The following CHD2 variants were observed in gnomAD, a reference collection of about 807,000 sequenced individuals.
The protein encoded by CHD2 is ATP-dependent chromatin remodeler CHD2.
CHD2 carries 28 observed loss-of-function variants against 243.9 expected under a neutral mutation model. The ratio of observed to expected loss-of-function variants is 0.11; its 90% CI spans 0.09 to 0.16. The LOEUF is 0.16. Among genes scored for constraint, CHD2 ranks in the 10% least tolerant of loss-of-function variants. The pLI is 1.00. For synonymous variants in CHD2, 775 were observed against 779.0 expected (o/e 0.99, Z 0.09); for missense variants, 1,386 against 2,209.8 (o/e 0.63, Z 7.47).
chr15:92,940,976 AATATAAATATAT>A (rs1166089929), intron 7 of CHD2, among the ~76,000 whole-genome samples: 12 of 50,540 alleles, frequency 2.4e-4, no homozygotes, highest in Admixed American at 5.3e-4. Context: ...TATAAATATA[AATATAAATATAT>A]ATATAAATAT....
chr15:92,962,478 A>AT (rs2053703559), intron 16 of CHD2, among the ~76,000 whole-genome samples: 1 of 151,960 alleles, frequency 6.6e-6, no homozygotes, highest in Middle Eastern at 3.2e-3. Flanking sequence ...ATATTTAGGG[A>AT]TTTTCCAAAT....
chr15:92,971,991 C>G, intron 18 of CHD2, 64 bp downstream of exon 18: 1 of 1,494,504 alleles, frequency 6.7e-7, no homozygotes, highest in South Asian at 1.3e-5. Context: ...TGCTTTTCAT[C>G]AGAATGCTCT....
intron 16 of CHD2, among the ~76,000 whole-genome samples, chr15:92,962,983 T>C (rs1051380453): frequency 6.6e-6 from 1 of 152,240 alleles, no homozygotes; most frequent in African/African-American, 2.4e-5. Context: ...GTTTGCATGA[T>C]ATATTGTTTT....
At chr15:93,004,812 C>G (rs1248609227) in intron 34 of CHD2, 61 bp downstream of exon 34, 2 of 1,557,474 alleles carry the variant, frequency 1.3e-6, no homozygotes, top group Non-Finnish European at 1.7e-6. Context: ...GTGGCTCTGC[C>G]TTTTATAGGT....
Position 92,968,743 on chromosome 15 carries a change from A to G in CHD2, c.2189+1230A>G, listed in dbSNP as rs60168313. Among the ~76,000 whole-genome samples the G allele has an allele frequency of 4.0e-3, 604 of 152,364 alleles. 4 individuals carry two copies. The highest frequency in any genetic ancestry group is 0.014 in the African/African-American group (570 of 41,580). ...TACTTTTCTTCAAAGGTTTTGACCA[A>G]TGAGATTTACTTTGATATGATTATG... On this transcript the variant is annotated intron_variant, in intron 17 of 38. Transcript: ENST00000394196.
In CHD2 at chr15:92,924,486, G is replaced by T; in HGVS notation, c.228G>T (p.Gln76His). ...GCGAATCAGCAGGTTCCAAATCCCA[G>T]CCAGTCCTCCCAGAAGCCAAAGAGA... The part of the protein sequence containing the change: ...SESESAGSKS[Q>H]PVLPEAKEKP... Residue 76 changes from glutamine (Q) to histidine (H), a missense_variant, in exon 3 of 39, where the codon CAG becomes CAT. Transcript: ENST00000394196. 1 of 1,614,128 alleles carries T rather than the reference G, an allele frequency of 6.2e-7. No individual in the cohort carries two copies. The highest frequency in any genetic ancestry group is 8.5e-7 in the Non-Finnish European group (1 of 1,180,028).
At chr15:92,987,428 T>C (rs937938670) in intron 26 of CHD2, among the ~76,000 whole-genome samples, 11 of 152,002 alleles carry the variant, frequency 7.2e-5, no homozygotes, top group African/African-American at 2.4e-4. Flanking sequence ...GGCGAAACCC[T>C]CTCTCTACTA....
chr15:92,926,110 T>C (rs2053056247), intron 3 of CHD2, among the ~76,000 whole-genome samples: 1 of 152,182 alleles, frequency 6.6e-6, no homozygotes, highest in East Asian at 1.9e-4. Context: ...TAGCTGGGAC[T>C]ACAGGCACGT....
intron 5 of CHD2, among the ~76,000 whole-genome samples, chr15:92,932,562 C>A (rs570190957): frequency 6.6e-6 from 1 of 151,028 alleles, no homozygotes. Flanking sequence ...TCTGTCCTTG[C>A]GATAGTTTGC....
intron 32 of CHD2, 80 bp from the exon 33 acceptor site, chr15:93,002,097 G>A (rs1308008478): frequency 4.0e-6 from 6 of 1,514,666 alleles, no homozygotes; most frequent in Middle Eastern, 2.2e-4. Context: ...ACCACTGGGG[G>A]CAGTGCTTCT....
chr15:92,920,610 T>A (rs2052936530), intron 2 of CHD2, among the ~76,000 whole-genome samples: 1 of 152,216 alleles, frequency 6.6e-6, no homozygotes, highest in Non-Finnish European at 1.5e-5. Flanking sequence ...GGTCTCTAGT[T>A]GGTAAAGATT....
At chr15:92,933,471 A>G (rs1335216249) in intron 5 of CHD2, among the ~76,000 whole-genome samples, 1 of 152,214 alleles carries the variant, frequency 6.6e-6, no homozygotes, top group East Asian at 1.9e-4. Flanking sequence ...CAAACAAACA[A>G]AACATTGAAC....
intron 2 of CHD2, among the ~76,000 whole-genome samples, chr15:92,910,267 T>G (rs899410057): frequency 3.9e-5 from 6 of 152,258 alleles, no homozygotes; most frequent in South Asian, 4.1e-4. Flanking sequence ...ATATGTATAT[T>G]TTATTTAATA....
chr15:93,019,660 G>A (rs146961802), intron 37 of CHD2, among the ~76,000 whole-genome samples: 81 of 152,298 alleles, frequency 5.3e-4, no homozygotes, highest in Non-Finnish European at 9.1e-4. Context: ...AAGGCTGGGC[G>A]TGGTGGCTCA....
chr15:92,998,066 A>G lies in CHD2; in HGVS notation c.3886-433A>G, dbSNP rs913946988. 3.5e-5 allele frequency: 16 copies of G among 461,566 alleles called. No homozygotes were observed. The highest frequency in any genetic ancestry group is 4.2e-5 in the African/African-American group (2 of 47,224). 28.6% of individuals were successfully genotyped at this position (461,566 alleles called of 1,614,324 possible). A position where few individuals can be genotyped will look rare whatever the true frequency, so the allele number is the denominator to read the frequency against. ...AGAGACCCAGTTGTTGTAGCAAGGA[A>G]CAGATCATGTCCTGGCGTAGCTCAG... On this transcript the variant is annotated intron_variant, in intron 30 of 38. Transcript: ENST00000394196. The surrounding 1 kb of genome is among the most constrained non-coding windows in gnomAD (Gnocchi z 5.1).
intron 26 of CHD2, among the ~76,000 whole-genome samples, chr15:92,991,070 A>G (rs2054113804): frequency 6.6e-6 from 1 of 152,236 alleles, no homozygotes; most frequent in Non-Finnish European, 1.5e-5. Flanking sequence ...ATTGAAGGTA[A>G]CAGTGGTGAA....
intron 22 of CHD2, among the ~76,000 whole-genome samples, chr15:92,980,035 T>TG (rs2053958145): frequency 9.0e-6 from 1 of 110,864 alleles, no homozygotes; most frequent in Non-Finnish European, 1.9e-5. Flanking sequence ...TTCAGCTATG[T>TG]TTTTTGTTTG....
intron 11 of CHD2, 50 bp downstream of exon 11, chr15:92,945,915 G>T (rs541330061): frequency 1.3e-6 from 2 of 1,491,664 alleles, no homozygotes; most frequent in Admixed American, 4.0e-5. Flanking sequence ...TCAGAACAGT[G>T]TATGTTTTGC....
At chr15:92,984,630 G>A (rs564984609) in intron 25 of CHD2, 130 bp downstream of exon 25, 244 of 758,164 alleles carry the variant, frequency 3.2e-4, no homozygotes, top group South Asian at 6.7e-4. Flanking sequence ...AGTTGATACT[G>A]TAGGAAACTT....
Sources: gnomAD v4.1 joint callset for allele counts (sites outside exome capture counted in the v4.1 genomes callset) on GRCh38, gnomAD v4.1.1 for gene constraint, Gnocchi (gnomAD v3.1) non-coding constraint, MANE v1.5 for transcripts, NCBI Gene and HGNC (gene_info 2026-07-23, HGNC 2026-07-21) for gene names.